Variants in ABR observed in about 807,000 individuals in gnomAD.
ABR encodes the protein ABR activator of RhoGEF and GTPase.
ABR carries 35 observed loss-of-function variants against 107.2 expected under a neutral mutation model. The observed-to-expected ratio is 0.33, with a 90% CI of 0.25 to 0.43. The LOEUF is 0.43. Ranked by LOEUF, ABR falls within the 20% of genes least tolerant of loss-of-function variation. The probability of loss-of-function intolerance (pLI) is 1.00; values close to 1 mark genes in which losing one functional copy is unlikely to be tolerated. For missense variants in ABR, 815 were observed against 1,115.2 expected, an observed-to-expected ratio of 0.73 and a Z score of 3.83; for synonymous variants, 498 against 462.0, an observed-to-expected ratio of 1.08 and a Z score of -1.00.
In ABR at chr17:1,005,169, G is replaced by A; in HGVS notation, c.*911C>T. 1 of 398,776 alleles carries A rather than the reference G, an allele frequency of 2.5e-6. No homozygotes were observed. Among genetic ancestry groups the A allele is most frequent in the Non-Finnish European group, 4.4e-6 (1 of 226,194 alleles). 24.7% of individuals were successfully genotyped at this position (398,776 alleles called of 1,614,324 possible). A position where few individuals can be genotyped will look rare whatever the true frequency, so the allele number is the denominator to read the frequency against. On this transcript the variant is annotated 3_prime_UTR_variant, in exon 23 of 23. Transcript: ENST00000302538. ...ACCGCCTCCTCCCCCATTCTCTCCT[G>A]ACCCTCTGGCTATCTCGATAGCAGG...
intron 16 of ABR, among the ~76,000 whole-genome samples, chr17:1,021,763 T>C (rs1399108101): frequency 1.3e-5 from 2 of 149,776 alleles, no homozygotes; most frequent in Non-Finnish European, 3.0e-5. Context: ...GGAGTTGAGA[T>C]TGTGCCACTG....
chr17:1,110,584 C>T (rs543569768), intron 2 of ABR, among the ~76,000 whole-genome samples: 1 of 152,324 alleles, frequency 6.6e-6, no homozygotes, highest in South Asian at 2.1e-4. Flanking sequence ...ATGAACCACA[C>T]CTGTGGCCCG....
rs576441106 is a variant in ABR at position 1,020,195 on chromosome 17, G to T, written c.1792-7031C>A. Among the ~76,000 whole-genome samples the T allele has an allele frequency of 8.4e-4, 128 of 152,198 alleles. 1 individual carries two copies. Among genetic ancestry groups the T allele is most frequent in the Non-Finnish European group, 1.3e-3 (88 of 68,016 alleles). On this transcript the variant is annotated intron_variant, in intron 16 of 22. Transcript: ENST00000302538. ...ACCTTCGGGTTCGAGCGATTCTCCT[G>T]CCTCAGCCTCCCGAGTAGCTGGGGC...
chr17:1,034,806 G>A (rs1375656235), intron 16 of ABR, among the ~76,000 whole-genome samples: 1 of 152,130 alleles, frequency 6.6e-6, no homozygotes, highest in Non-Finnish European at 1.5e-5. Flanking sequence ...CCCTCGGGCT[G>A]GGTCCCAGGC....
chr17:1,064,374 T>C (rs78397968), intron 10 of ABR, among the ~76,000 whole-genome samples: 7 of 129,422 alleles, frequency 5.4e-5, no homozygotes, highest in East Asian at 2.2e-4. Flanking sequence ...ACTGCTGTTA[T>C]GTGAACTGAG....
In ABR at chr17:1,200,259, G is replaced by A. The variant is rs1457188586; in HGVS notation, c.838+28534C>T. On this transcript the variant is annotated intron_variant, in intron 1 of 22. Transcript: ENST00000574139. This position sits in a 1 kb window ranked among gnomAD's most constrained non-coding sequence, Gnocchi z 4.1. ...AACCTAGAGATAAGTTAAAGTACAC[G>A]GGGGTCGGGGGCAGGCATGGTGACT... 6.6e-6 allele frequency among the ~76,000 whole-genome samples: 1 copy of A among 152,086 alleles called. No individual in the cohort carries two copies. The highest frequency in any genetic ancestry group is 2.4e-5 in the African/African-American group (1 of 41,408).
intron 1 of ABR, among the ~76,000 whole-genome samples, chr17:1,161,267 A>G (rs1042771570): frequency 4.0e-5 from 6 of 150,990 alleles, no homozygotes; most frequent in African/African-American, 1.5e-4. Context: ...TTTTAAGACA[A>G]GGTCTCATTC....
At chr17:1,172,158 G>C (rs1269716643) in intron 1 of ABR, among the ~76,000 whole-genome samples, 1 of 152,252 alleles carries the variant, frequency 6.6e-6, no homozygotes, top group East Asian at 1.9e-4. Context: ...GCCCCAGTCA[G>C]GTCTCGACCC....
intron 16 of ABR, among the ~76,000 whole-genome samples, chr17:1,039,244 A>C (rs73978333): frequency 1.0e-3 from 155 of 151,976 alleles, no homozygotes; most frequent in African/African-American, 3.7e-3. Flanking sequence ...CTGCCTGCTG[A>C]GGCGGCACTT....
intron 1 of ABR, among the ~76,000 whole-genome samples, chr17:1,166,027 T>A (rs2041492243): frequency 2.0e-5 from 1 of 50,576 alleles, no homozygotes; most frequent in Non-Finnish European, 4.0e-5. Flanking sequence ...CCACCTCCGC[T>A]CTCCCAGAGC....
chr17:1,144,849 A>C (rs763388098), intron 1 of ABR, among the ~76,000 whole-genome samples: 1 of 152,196 alleles, frequency 6.6e-6, no homozygotes, highest in South Asian at 2.1e-4. Flanking sequence ...GTGAAACCCT[A>C]TCTCTGCTAA....
intron 1 of ABR, among the ~76,000 whole-genome samples, chr17:1,201,656 G>A (rs2042673389): frequency 6.7e-6 from 1 of 150,058 alleles, no homozygotes; most frequent in Non-Finnish European, 1.5e-5. Flanking sequence ...ACAGTGCAGA[G>A]GTAGCTTACT....
intron 1 of ABR, among the ~76,000 whole-genome samples, chr17:1,145,432 C>T (rs1567822447): frequency 6.6e-6 from 1 of 152,232 alleles, no homozygotes; most frequent in Non-Finnish European, 1.5e-5. Flanking sequence ...ATTTAAGGCT[C>T]TGCTCTTCCT....
At chr17:1,205,348 A>C (rs1162810115) in intron 1 of ABR, among the ~76,000 whole-genome samples, 1 of 152,182 alleles carries the variant, frequency 6.6e-6, no homozygotes, top group Non-Finnish European at 1.5e-5. Context: ...CAGTGCACAA[A>C]TGAGATACAA....
At chr17:1,188,985 G>A (rs557682872), upstream of ABR, among the ~76,000 whole-genome samples, 2 of 152,264 alleles carry the variant, frequency 1.3e-5, no homozygotes, top group Admixed American at 6.5e-5. Flanking sequence ...GGTTCTGATC[G>A]TGAAACCTCG....
intron 16 of ABR, among the ~76,000 whole-genome samples, chr17:1,034,749 C>T (rs905684707): frequency 1.3e-5 from 2 of 152,088 alleles, no homozygotes; most frequent in Non-Finnish European, 2.9e-5. Context: ...CTCCTGGTGC[C>T]GTGACTTAAC....
intron 16 of ABR, among the ~76,000 whole-genome samples, chr17:1,039,374 C>T (rs768337999): frequency 6.6e-6 from 1 of 152,308 alleles, no homozygotes; most frequent in African/African-American, 2.4e-5. Context: ...AACACCTGGG[C>T]GATGGAGGCA....
intron 1 of ABR, among the ~76,000 whole-genome samples, chr17:1,133,415 T>C (rs905174130): frequency 2.6e-5 from 4 of 152,108 alleles, no homozygotes; most frequent in Non-Finnish European, 5.9e-5. Flanking sequence ...TCTGTAAGTG[T>C]GAAATATTAA....
intron 1 of ABR, among the ~76,000 whole-genome samples, chr17:1,192,552 G>A (rs1044280122): frequency 1.1e-4 from 16 of 151,726 alleles, no homozygotes; most frequent in African/African-American, 2.4e-4. Flanking sequence ...CGAGGTGGGC[G>A]GATCACCTGA....
Sources: allele counts gnomAD v4.1 joint callset (sites outside exome capture counted in the v4.1 genomes callset), GRCh38; gene constraint gnomAD v4.1.1; non-coding constraint Gnocchi (gnomAD v3.1); transcripts MANE v1.5; gene names NCBI Gene and HGNC (gene_info 2026-07-23, HGNC 2026-07-21).